The following LYAR variants were observed in gnomAD, a reference collection of about 807,000 sequenced individuals.
LYAR encodes the protein Ly1 antibody reactive, also known as cell growth-regulating nucleolar protein.
In LYAR, 37 loss-of-function variants were observed where a neutral mutation model predicts 45.2. The observed-to-expected ratio is 0.82, with a 90% CI of 0.63 to 1.08. The LOEUF (loss-of-function observed/expected upper bound fraction) is 1.08, where lower values mean the gene tolerates loss of function less well. LYAR is among the 50% of genes least tolerant of loss of function. The pLI is 0.00. For synonymous variants in LYAR, 176 were observed against 155.1 expected (o/e 1.14, Z -1.00); for missense variants, 493 against 451.0 (o/e 1.09, Z -0.84).
intron 2 of LYAR, among the ~76,000 whole-genome samples, chr4:4,284,585 G>A (rs1019487902): frequency 2.6e-5 from 4 of 152,124 alleles, no homozygotes; most frequent in African/African-American, 9.7e-5. Flanking sequence ...CAGGTGTCCC[G>A]AGCACTGCCC....
At chr4:4,272,158 T>C (rs780302846) in intron 8 of LYAR, among the ~76,000 whole-genome samples, 1 of 152,138 alleles carries the variant, frequency 6.6e-6, no homozygotes, top group Non-Finnish European at 1.5e-5. Context: ...TGGAAGCGTA[T>C]CCATGTCAAC....
intron 4 of LYAR, among the ~76,000 whole-genome samples, chr4:4,280,833 T>C (rs1719365684): frequency 6.6e-6 from 1 of 152,368 alleles, no homozygotes; most frequent in South Asian, 2.1e-4. Flanking sequence ...GTTCCAACTC[T>C]ATTATCAAAT....
chr4:4,270,062 A>C (rs971951876), intron 8 of LYAR, among the ~76,000 whole-genome samples: 2 of 152,026 alleles, frequency 1.3e-5, no homozygotes, highest in African/African-American at 4.8e-5. Context: ...ACAAAATTTT[A>C]AAACTTCGCT....
rs558976309 is a variant in LYAR, at chr4:4,279,481, T to C, written c.395A>G (p.Gln132Arg). The change falls in exon 6 of 10, where the codon CAG becomes CGG. Residue 132 changes from glutamine (Q) to arginine (R), a missense_variant. Physicochemically the swap from Gln to Arg is conservative, Grantham distance 43 (BLOSUM62 1). Coordinates refer to ENST00000343470, the MANE Select transcript of LYAR (RefSeq NM_017816.3). Reference sequence around the variant, plus strand: ...AGCTTCAGAAAAGATATTCCACACCTGGTCCAGAATGGATTCATTATGAAC... The same window carrying C: ...AGCTTCAGAAAAGATATTCCACACCCGGTCCAGAATGGATTCATTATGAAC... The part of the protein sequence containing the change: ...LKVHNESILD[Q>R]VWNIFSEASN... 1.2e-5 allele frequency: 19 copies of C among 1,613,092 alleles called. No homozygotes were observed. Among genetic ancestry groups the C allele is most frequent in the Non-Finnish European group, 1.6e-5 (19 of 1,179,234 alleles).
chr4:4,273,626 A>G lies in LYAR; in HGVS notation c.876T>C (p.His292=), dbSNP rs1420073831. 1.2e-6 allele frequency: 2 copies of G among 1,613,624 alleles called. No homozygotes were observed. The highest frequency in any genetic ancestry group is 1.7e-6 in the Non-Finnish European group (2 of 1,179,656). ...CGTCTTCTGGTTCTCCGCCCTCAGG[A>G]TGCTCTGGGAGCTTCATCTTTTTCT... The part of the protein sequence containing the change: ...SKKKKMKLPE[H]PEGGEPEDDE... Residue 292 remains histidine (H), a synonymous_variant, in exon 8 of 10, where the codon CAT becomes CAC. Transcript: ENST00000343470.
intron 3 of LYAR, among the ~76,000 whole-genome samples, chr4:4,282,689 C>T (rs1230695559): frequency 6.6e-6 from 1 of 152,200 alleles, no homozygotes; most frequent in Non-Finnish European, 1.5e-5. Context: ...GAGGGGAGCC[C>T]TCTGCAAACG....
chr4:4,282,023 C>A, intron 3 of LYAR, 126 bp from the exon 4 acceptor site: 1 of 617,752 alleles, frequency 1.6e-6, no homozygotes, highest in Non-Finnish European at 2.9e-6. Flanking sequence ...CACACAAGCA[C>A]CCCATCTATT....
In LYAR at chr4:4,283,682, GC is replaced by G; in HGVS notation, c.60del (p.Lys20AsnfsTer30). On this transcript the variant is annotated frameshift_variant, in exon 3 of 10. Coordinates refer to ENST00000343470, the MANE Select transcript of LYAR (RefSeq NM_017816.3). LOFTEE classifies it high-confidence loss of function. The part of the protein sequence containing the change: ...GESVKKIQVE[K>X]HVSVCRNCEC... ...TCACAGTTTCTGCAAACAGACACAT[GC>G]TTTTCCACTTGTATTTTCTTCACTG... 6.2e-7 allele frequency: 1 copy of G among 1,612,636 alleles called. No homozygotes were observed. Among genetic ancestry groups the G allele is most frequent in the Non-Finnish European group, 8.5e-7 (1 of 1,179,556 alleles).
rs138296845 is a variant in LYAR at position 4,289,516 on chromosome 4, T to A, written c.-108+520A>T. ...TAGGAGGTTAACACATTTCTACTCA[T>A]GTAATCCTCATCACAGTTCTCCGAG... On this transcript the variant is annotated intron_variant, in intron 1 of 9. Coordinates refer to ENST00000343470, the MANE Select transcript of LYAR (RefSeq NM_017816.3). 4 of 152,334 alleles carry A rather than the reference T, an allele frequency of 2.6e-5. No homozygotes were observed. The East Asian group carries it at 7.7e-4, about 29-fold the overall frequency. The allele number at this position is 152,334 out of a possible 1,614,324, so 9.4% of individuals were successfully genotyped here. A position where few individuals can be genotyped will look rare whatever the true frequency, so the allele number is the denominator to read the frequency against.
rs1456969125 is a variant in LYAR, at chr4:4,267,969, G to T, written c.1060C>A (p.Leu354Ile). 7 of 1,612,818 alleles carry T rather than the reference G, an allele frequency of 4.3e-6. No homozygotes were observed. In the South Asian group the frequency reaches 7.7e-5, roughly 18 times the overall value. The change falls in exon 10 of 10, where the codon CTC (leucine) becomes ATC (isoleucine). Residue 354 changes from leucine to isoleucine, a missense_variant. Transcript: ENST00000343470. ...TDEHHRSEEE[L>I]LVIFNKKISK... ...ATTTTCTTGTTAAAGATGACCAGGA[G>T]TTCCTCTTCGGATCTGTGATGCTCA...
intron 1 of LYAR, among the ~76,000 whole-genome samples, chr4:4,287,274 T>C (rs1719655013): frequency 6.6e-6 from 1 of 152,196 alleles, no homozygotes. Context: ...GCAGTGTTCT[T>C]GGACTGGTTG....
In LYAR at chr4:4,274,474, T is replaced by A. The variant is rs947648563; in HGVS notation, c.725A>T (p.Asn242Ile). The change falls in exon 7 of 10, where the codon AAT becomes ATT. Residue 242 changes from asparagine to isoleucine, a missense_variant. Physicochemically the swap from Asn to Ile is moderately radical, Grantham distance 149. Coordinates refer to ENST00000343470, the MANE Select transcript of LYAR (RefSeq NM_017816.3). ...EAGGEEVPEA[N>I]GSAGKRSKKK... ...CTTGCTCCTCTTCCCTGCAGAGCCA[T>A]TGGCCTCAGGGACTTCCTCCCCACC... is the stretch of plus-strand genomic sequence containing the variant. 5.0e-6 allele frequency: 8 copies of A among 1,614,072 alleles called. No individual in the cohort carries two copies. The highest frequency in any genetic ancestry group is 5.9e-6 in the Non-Finnish European group (7 of 1,180,038).
At chr4:4,281,026 C>T (rs1719370894) in intron 4 of LYAR, among the ~76,000 whole-genome samples, 1 of 152,210 alleles carries the variant, frequency 6.6e-6, no homozygotes, top group African/African-American at 2.4e-5. Context: ...TCTGCCATTT[C>T]TACTGTGCAT....
rs535427952 is a variant in LYAR, at chr4:4,285,643, C to T, written c.-54+876G>A. On this transcript the variant is annotated intron_variant, in intron 2 of 9. Coordinates refer to ENST00000343470, the MANE Select transcript of LYAR (RefSeq NM_017816.3). ...ATATGCCAAATTATCTGCTGAAAAACGTTAAAGCACTTTTCTAATAAGATA... is the reference window on the plus strand; with the variant it reads ...ATATGCCAAATTATCTGCTGAAAAATGTTAAAGCACTTTTCTAATAAGATA... 1.6e-3 allele frequency among the ~76,000 whole-genome samples: 242 copies of T among 152,288 alleles called. 1 individual carries two copies. The highest frequency in any genetic ancestry group is 3.0e-3 in the Non-Finnish European group (206 of 68,032).
At chr4:4,283,341 G>A (rs1719478518) in intron 3 of LYAR, among the ~76,000 whole-genome samples, 1 of 152,128 alleles carries the variant, frequency 6.6e-6, no homozygotes. Context: ...AGTAGAGACA[G>A]GGTTTCACTA....
intron 7 of LYAR, among the ~76,000 whole-genome samples, chr4:4,273,967 T>C (rs1719061031): frequency 6.6e-6 from 1 of 152,190 alleles, no homozygotes; most frequent in African/African-American, 2.4e-5. Flanking sequence ...CTAGGTGCGG[T>C]AGCTCATGCC....
At chr4:4,281,752 G>C (rs759435037) in intron 4 of LYAR, 31 bp downstream of exon 4, 1 of 1,497,738 alleles carries the variant, frequency 6.7e-7, no homozygotes, top group Non-Finnish European at 9.3e-7. Flanking sequence ...GCTGTCAGAG[G>C]AAGCTACTCA....
intron 9 of LYAR, 26 bp from the exon 10 acceptor site, chr4:4,268,049 G>C (rs377273210): frequency 5.2e-6 from 8 of 1,540,914 alleles, no homozygotes; most frequent in Non-Finnish European, 7.0e-6. Context: ...CATCAAATGA[G>C]TGTATTTGAC....
At chr4:4,286,911 A>G (rs920327305) in intron 1 of LYAR, among the ~76,000 whole-genome samples, 6 of 151,990 alleles carry the variant, frequency 3.9e-5, no homozygotes, top group Non-Finnish European at 7.4e-5. Flanking sequence ...TCGGCCTCCC[A>G]AAGTGCTGGG....
Sources: gnomAD v4.1 joint callset for allele counts (sites outside exome capture counted in the v4.1 genomes callset) on GRCh38, gnomAD v4.1.1 for gene constraint, MANE v1.5 for transcripts, NCBI Gene and HGNC (gene_info 2026-07-23, HGNC 2026-07-21) for gene names.